METTL2A: variants seen among roughly 807,000 people sequenced by gnomAD.
METTL2A encodes methyltransferase 2A, tRNA N3-cytidine, also known as tRNA N(3)-cytidine methyltransferase METTL2A.
A neutral mutation model predicts 49.4 loss-of-function variants in METTL2A; 45 were observed. The ratio of observed to expected loss-of-function variants is 0.91; its 90% CI spans 0.72 to 1.17. The LOEUF is 1.17. Among genes scored for constraint, METTL2A ranks in the 50% most tolerant of loss-of-function variants. The pLI is 0.00. For missense variants in METTL2A, 361 were observed against 462.2 expected (o/e 0.78, Z 2.01); for synonymous variants, 118 against 167.5 (o/e 0.70, Z 2.28).
rs992934237 is a variant in METTL2A at position 62,448,781 on chromosome 17, T to A, written c.*52T>A. 410 of 1,517,504 alleles carry A rather than the reference T, an allele frequency of 2.7e-4. No individual in the cohort carries two copies. The highest frequency in any genetic ancestry group is 8.9e-4 in the East Asian group (37 of 41,356). 94.0% of individuals were successfully genotyped at this position (1,517,504 alleles called of 1,614,324 possible). A position where few individuals can be genotyped will look rare whatever the true frequency, so the allele number is the denominator to read the frequency against. On this transcript the variant is annotated 3_prime_UTR_variant, in exon 9 of 9. Coordinates refer to ENST00000311506, the MANE Select transcript of METTL2A (RefSeq NM_181725.4). The stretch of plus-strand genomic sequence containing the variant: ...AGCCCATTGTGTTTCCGGGCTTTTT[T>A]AAAAAAAAAATTGTAGCACTGGGCG...
At chr17:62,432,678 T>G (rs926131371) in intron 4 of METTL2A, among the ~76,000 whole-genome samples, 1 of 152,178 alleles carries the variant, frequency 6.6e-6, no homozygotes, top group Non-Finnish European at 1.5e-5. Context: ...GGCAGGCACC[T>G]GTAGTCCCAG....
chr17:62,434,897 G>C, intron 4 of METTL2A: 1 of 315,816 alleles, frequency 3.2e-6, no homozygotes, highest in Non-Finnish European at 6.1e-6. Flanking sequence ...TGCCAGGGTG[G>C]CTCAGCGAAG....
intron 4 of METTL2A, among the ~76,000 whole-genome samples, chr17:62,430,950 C>T (rs1430689423): frequency 6.6e-6 from 1 of 152,216 alleles, no homozygotes; most frequent in African/African-American, 2.4e-5. Context: ...ACCGCAACCT[C>T]CGCCTCCTGG....
intron 5 of METTL2A, among the ~76,000 whole-genome samples, chr17:62,438,672 A>G (rs2144148110): frequency 6.6e-6 from 1 of 152,100 alleles, no homozygotes; most frequent in Non-Finnish European, 1.5e-5. Context: ...ATTATTATTC[A>G]GTTAAAGACC....
Position 62,450,257 on chromosome 17 carries a change from T to C in METTL2A, c.*1528T>C, listed in dbSNP as rs1460091687. On this transcript the variant is annotated 3_prime_UTR_variant, in exon 9 of 9. Transcript: ENST00000311506. ...ATCAGTGTTAGATGCCTTTTTTTTT[T>C]TTTTTTTTTTTTTTTTTTTAAGGAG... 1 of 123,750 alleles carries C rather than the reference T, an allele frequency of 8.1e-6. No individual in the cohort carries two copies. Among genetic ancestry groups the C allele is most frequent in the Non-Finnish European group, 1.6e-5 (1 of 64,234 alleles). 7.7% of individuals were successfully genotyped at this position (123,750 alleles called of 1,614,324 possible). A position where few individuals can be genotyped will look rare whatever the true frequency, so the allele number is the denominator to read the frequency against.
intron 2 of METTL2A, among the ~76,000 whole-genome samples, chr17:62,424,995 C>G (rs956201402): frequency 1.3e-5 from 2 of 149,458 alleles, no homozygotes; most frequent in African/African-American, 5.0e-5. Flanking sequence ...AAAACATTCA[C>G]CCTGCATATT....
At position 62,449,535 on chromosome 17, in the gene METTL2A, A is replaced by C. The variant is rs1598039541; in HGVS notation, c.*806A>C. The C allele has an allele frequency of 2.8e-6, 1 of 358,776 alleles. No homozygotes were observed. The highest frequency in any genetic ancestry group is 2.3e-5 in the African/African-American group (1 of 44,408). 22.2% of individuals were successfully genotyped at this position (358,776 alleles called of 1,614,324 possible). ...AGACCAGCGTGGCCAACATGGTGAA[A>C]CCCCGTCTCTACTAAAGATAAAAAA... On this transcript the variant is annotated 3_prime_UTR_variant, in exon 9 of 9. Transcript: ENST00000311506.
chr17:62,426,989 G>T (rs1264136100), intron 3 of METTL2A, among the ~76,000 whole-genome samples: 3 of 152,160 alleles, frequency 2.0e-5, no homozygotes, highest in Non-Finnish European at 4.4e-5. Context: ...CTGGAAAAAA[G>T]TCCCAGATCA....
intron 2 of METTL2A, among the ~76,000 whole-genome samples, 167 bp from the exon 3 acceptor site, chr17:62,426,132 T>C (rs2070624512): frequency 6.6e-6 from 1 of 152,182 alleles, no homozygotes; most frequent in Non-Finnish European, 1.5e-5. Context: ...TAATGCCAGA[T>C]GGCAGGACTA....
intron 6 of METTL2A, among the ~76,000 whole-genome samples, chr17:62,444,299 A>C (rs1490845515): frequency 6.6e-6 from 1 of 152,320 alleles, no homozygotes; most frequent in Admixed American, 6.5e-5. Flanking sequence ...TTTTGGAGAC[A>C]AAGTCTCAGT....
rs34466579 is a variant in METTL2A at position 62,451,143 on chromosome 17, CTTT to C, written c.*2432_*2434del. Among the ~76,000 whole-genome samples, 48 of 102,064 alleles carry C rather than the reference CTTT, an allele frequency of 4.7e-4. No homozygotes were observed. The highest frequency in any genetic ancestry group is 1.3e-3 in the African/African-American group (40 of 31,010). The allele number at this position is 102,064 out of a possible 152,430, so 67.0% of individuals were successfully genotyped here. Reference sequence around the variant, plus strand: ...GCTGGGTAATGTAGCAAGACCCTGACTTTTTTTTTTTTTTTTTTTTGAGACAGA... The same window carrying C: ...GCTGGGTAATGTAGCAAGACCCTGACTTTTTTTTTTTTTTTTTGAGACAGA... On this transcript the variant is annotated 3_prime_UTR_variant, in exon 9 of 9. Coordinates refer to ENST00000311506, the MANE Select transcript of METTL2A (RefSeq NM_181725.4).
chr17:62,445,114 C>CG (rs1301428504), intron 7 of METTL2A, among the ~76,000 whole-genome samples, 171 bp downstream of exon 7: 1 of 76,108 alleles, frequency 1.3e-5, no homozygotes, highest in Non-Finnish European at 2.6e-5. Flanking sequence ...GGACACGGGG[C>CG]GGGGGGCATC....
chr17:62,433,165 G>A (rs1598032007), intron 4 of METTL2A, among the ~76,000 whole-genome samples: 1 of 152,136 alleles, frequency 6.6e-6, no homozygotes, highest in East Asian at 1.9e-4. Context: ...CAGGCGTGGT[G>A]GCTCACTCTT....
Position 62,439,526 on chromosome 17 carries a change from C to G in METTL2A, c.670-1091C>G, listed in dbSNP as rs6504104. 2.3e-4 allele frequency among the ~76,000 whole-genome samples: 35 copies of G among 151,896 alleles called. 1 individual carries two copies. The highest frequency in any genetic ancestry group is 8.0e-4 in the African/African-American group (33 of 41,382). ...TCAGCTTACTGAAAGCTCCGCCTCC[C>G]GGGTTCACGCCATTCTCCTGCCTCA... On this transcript the variant is annotated intron_variant, in intron 5 of 8. Transcript: ENST00000311506.
At chr17:62,434,161 G>A (rs2070685172) in intron 4 of METTL2A, among the ~76,000 whole-genome samples, 1 of 152,170 alleles carries the variant, frequency 6.6e-6, no homozygotes, top group South Asian at 2.1e-4. Flanking sequence ...GTGCAGTGAC[G>A]GAAATGTTCT....
At chr17:62,431,609 G>T (rs991940053) in intron 4 of METTL2A, among the ~76,000 whole-genome samples, 20 of 152,008 alleles carry the variant, frequency 1.3e-4, no homozygotes, top group African/African-American at 4.8e-4. Flanking sequence ...AAAGCCTTAG[G>T]ATCATTTCTC....
intron 6 of METTL2A, among the ~76,000 whole-genome samples, chr17:62,443,244 A>G (rs1228820328): frequency 6.6e-6 from 1 of 152,086 alleles, no homozygotes; most frequent in Non-Finnish European, 1.5e-5. Flanking sequence ...AGCCAGGTGC[A>G]TATCTGTAGT....
At position 62,431,688 on chromosome 17, in the gene METTL2A, T is replaced by C. The variant is rs567514957; in HGVS notation, c.609-3544T>C. Among the ~76,000 whole-genome samples the C allele has an allele frequency of 6.6e-5, 10 of 152,314 alleles. No individual in the cohort carries two copies. In the South Asian group the frequency reaches 2.1e-3, roughly 32 times the overall value. ...CTTTATTGAGATATAAAGTGTATAA[T>C]ACAGTGGTTTTTTTGTTTGGTTGGT... On this transcript the variant is annotated intron_variant, in intron 4 of 8. Coordinates refer to ENST00000311506, the MANE Select transcript of METTL2A (RefSeq NM_181725.4).
chr17:62,434,375 C>T (rs549707295), intron 4 of METTL2A, among the ~76,000 whole-genome samples: 2 of 152,202 alleles, frequency 1.3e-5, no homozygotes, highest in African/African-American at 4.8e-5. Flanking sequence ...GGAAGCAGAG[C>T]CCATGCCTTT....
Sources: allele counts gnomAD v4.1 joint callset (sites outside exome capture counted in the v4.1 genomes callset), GRCh38; gene constraint gnomAD v4.1.1; transcripts MANE v1.5; gene names NCBI Gene and HGNC (gene_info 2026-07-23, HGNC 2026-07-21).